The following DYNC1H1 variants were observed in gnomAD, a reference collection of about 807,000 sequenced individuals.
DYNC1H1 encodes the protein dynein cytoplasmic 1 heavy chain 1, also known as cytoplasmic dynein 1 heavy chain 1.
DYNC1H1 carries 51 observed loss-of-function variants against 527.1 expected under a neutral mutation model. That is an observed-to-expected ratio of 0.10 (90% CI 0.08 to 0.12). The LOEUF is 0.12. DYNC1H1 is among the 10% of genes least tolerant of loss of function. The pLI is 1.00. For synonymous variants in DYNC1H1, 2,189 were observed against 2,278.8 expected (o/e 0.96, Z 1.12); for missense variants, 2,771 against 5,971.8 (o/e 0.46, Z 17.66).
At chr14:102,000,499 C>G in intron 18 of DYNC1H1, 100 bp downstream of exon 18, 1 of 1,002,562 alleles carries the variant, frequency 1.0e-6, no homozygotes, top group Non-Finnish European at 1.5e-6. Flanking sequence ...ATTGTGAGTT[C>G]ATAAGATGTC....
intron 23 of DYNC1H1, among the ~76,000 whole-genome samples, chr14:102,004,028 T>G (rs955876945): frequency 6.6e-6 from 1 of 151,630 alleles, no homozygotes; most frequent in African/African-American, 2.4e-5. Context: ...GATCACGAGG[T>G]CAGGAGATCG....
intron 72 of DYNC1H1, chr14:102,045,410 A>C (rs1475275969): frequency 7.3e-6 from 1 of 136,266 alleles, no homozygotes; most frequent in African/African-American, 2.5e-5. Flanking sequence ...CAGGAGTTCG[A>C]GACCAGCCTG....
rs941793 is a variant in DYNC1H1, at chr14:102,041,124, A to G, written c.11942-450A>G. 0.3 allele frequency: 100,226 copies of G among 338,510 alleles called. 18,938 individuals are homozygous for G. Among genetic ancestry groups the G allele is most frequent in the African/African-American group, 0.66 (31,127 of 46,956 alleles). 21.0% of individuals were successfully genotyped at this position (338,510 alleles called of 1,614,324 possible). On this transcript the variant is annotated intron_variant, in intron 64 of 77. Coordinates refer to ENST00000360184, the MANE Select transcript of DYNC1H1 (RefSeq NM_001376.5). The surrounding 1 kb of genome is among the most constrained non-coding windows in gnomAD (Gnocchi z 4.5). Reference sequence around the variant, plus strand: ...AGACCACAAGAGAACTAGATGGGGAACTCCTGCCTAATGCTAAGGAGTTAA... The same window carrying G: ...AGACCACAAGAGAACTAGATGGGGAGCTCCTGCCTAATGCTAAGGAGTTAA...
chr14:101,979,853 A>G lies in DYNC1H1; in HGVS notation c.653A>G (p.Lys218Arg). Reference protein sequence around the residue: ...PIHPMITNVAKQCYERGEKPK... With the variant: ...PIHPMITNVARQCYERGEKPK... ...CATCCAATGATCACAAATGTTGCAA[A>G]ACAGTGTTATGAGCGTGGAGAAAAG... Residue 218 changes from lysine to arginine, a missense_variant, in exon 4 of 78, where the codon AAA (lysine) becomes AGA (arginine). Lys to Arg is a conservative substitution (Grantham distance 26). Around this residue, in one of 32 missense-constraint regions of DYNC1H1, gnomAD observed 146 missense variants for 288.1 expected, o/e 0.51. Transcript: ENST00000360184. This position sits in a 1 kb window ranked among gnomAD's most constrained non-coding sequence, Gnocchi z 4.6. 1 of 1,614,234 alleles carries G rather than the reference A, an allele frequency of 6.2e-7. No individual in the cohort carries two copies. Among genetic ancestry groups the G allele is most frequent in the Non-Finnish European group, 8.5e-7 (1 of 1,180,040 alleles).
chr14:101,998,168 C>T (rs1771688948), intron 16 of DYNC1H1, among the ~76,000 whole-genome samples: 1 of 151,944 alleles, frequency 6.6e-6, no homozygotes, highest in South Asian at 2.1e-4. Context: ...GACCCCTCTC[C>T]CCTCTATAAA....
rs778389365 is a variant in DYNC1H1, at chr14:102,002,811, G to A, written c.4729G>A (p.Ala1577Thr). The A allele has an allele frequency of 1.2e-5, 20 of 1,614,092 alleles. No homozygotes were observed. In the South Asian group the frequency reaches 2.2e-4, roughly 18 times the overall value. The change falls in exon 23 of 78, where the codon GCT becomes ACT. Residue 1577 changes from alanine (A) to threonine (T), a missense_variant. Around this residue, in one of 32 missense-constraint regions of DYNC1H1, gnomAD observed 51 missense variants for 189.2 expected, o/e 0.27. Coordinates refer to ENST00000360184, the MANE Select transcript of DYNC1H1 (RefSeq NM_001376.5). This position sits in a 1 kb window ranked among gnomAD's most constrained non-coding sequence, Gnocchi z 4.4. ...RFQSISTEFLALMKKVSKSPL... is the reference protein window; with the variant it reads ...RFQSISTEFLTLMKKVSKSPL... ...TTGTAGCATCAGCACTGAGTTTTTG[G>A]CTCTAATGAAAAAAGTGTCCAAGTC... is the stretch of plus-strand genomic sequence containing the variant.
chr14:102,005,445 G>T lies in DYNC1H1; in HGVS notation c.5433+209G>T, dbSNP rs140941345. 2.0e-3 allele frequency among the ~76,000 whole-genome samples: 308 copies of T among 152,326 alleles called. 1 individual carries two copies. Among genetic ancestry groups the T allele is most frequent in the African/African-American group, 7.0e-3 (292 of 41,576 alleles). On this transcript the variant is annotated intron_variant, in intron 26 of 77. Transcript: ENST00000360184. This position sits in a 1 kb window ranked among gnomAD's most constrained non-coding sequence, Gnocchi z 4.0. ...GCATGCAGGGGTTACGCGACATCAC[G>T]GTAGAGAGGAAGGGATCAACCTTGG... is the stretch of plus-strand genomic sequence containing the variant.
At chr14:102,019,440 A>G (rs183786019) in intron 41 of DYNC1H1, among the ~76,000 whole-genome samples, 1 of 152,364 alleles carries the variant, frequency 6.6e-6, no homozygotes, top group Admixed American at 6.5e-5. Context: ...TAGGTGGCAG[A>G]TGCTTTTTCC....
At chr14:102,032,527 C>A (rs1397191845) in intron 52 of DYNC1H1, 60 bp downstream of exon 52, 2 of 1,600,962 alleles carry the variant, frequency 1.2e-6, no homozygotes, top group Non-Finnish European at 1.7e-6. Flanking sequence ...TCAGGCCAGG[C>A]ACGGTGGCTC....
chr14:101,977,352 T>C (rs2047813266), intron 2 of DYNC1H1, among the ~76,000 whole-genome samples: 1 of 152,224 alleles, frequency 6.6e-6, no homozygotes. Context: ...GTTGCGTGAA[T>C]AGTATATAGA....
intron 1 of DYNC1H1, among the ~76,000 whole-genome samples, chr14:101,967,192 G>A (rs1186378201): frequency 6.6e-6 from 1 of 152,114 alleles, no homozygotes; most frequent in Non-Finnish European, 1.5e-5. Context: ...AGAGACCCAG[G>A]ACTTTTGGTA....
At chr14:101,978,392 C>T (rs1209618039) in intron 2 of DYNC1H1, among the ~76,000 whole-genome samples, 1 of 152,082 alleles carries the variant, frequency 6.6e-6, no homozygotes, top group East Asian at 1.9e-4. Flanking sequence ...AGGCTGGTCT[C>T]GAACTCCTGA....
chr14:102,023,642 G>T (rs17512565), intron 43 of DYNC1H1: 8,130 of 153,806 alleles, frequency 0.053, 240 homozygotes, highest in Non-Finnish European at 0.056. Context: ...TGAGGTCAGG[G>T]GTTCGAGACC....
rs1225619304 is a variant in DYNC1H1, at chr14:102,041,521, C to A, written c.11942-53C>A. 9 of 1,611,290 alleles carry A rather than the reference C, an allele frequency of 5.6e-6. No homozygotes were observed. Among genetic ancestry groups the A allele is most frequent in the African/African-American group, 1.3e-5 (1 of 74,874 alleles). ...GAAGAACAGTCCAGGCAGGGGAGGG[C>A]GTCTCTGAGTCCATGCTTCCACCCA... On this transcript the variant is annotated intron_variant, in intron 64 of 77. Transcript: ENST00000360184. This position sits in a 1 kb window ranked among gnomAD's most constrained non-coding sequence, Gnocchi z 4.5.
At chr14:102,048,103 T>G in intron 73 of DYNC1H1, 75 bp downstream of exon 73, 1 of 1,515,470 alleles carries the variant, frequency 6.6e-7, no homozygotes, top group Non-Finnish European at 8.9e-7. Context: ...CATTGTTCCA[T>G]GGACCATTGG....
intron 73 of DYNC1H1, 153 bp from the exon 74 acceptor site, chr14:102,048,363 G>T: frequency 9.4e-7 from 1 of 1,068,356 alleles, no homozygotes. Flanking sequence ...ACACAAGCTC[G>T]GTTCCAAGTC....
chr14:102,028,644 G>A (rs890220193), intron 48 of DYNC1H1: 4 of 209,596 alleles, frequency 1.9e-5, no homozygotes, highest in Non-Finnish European at 2.9e-5. Flanking sequence ...TGTAAATTCT[G>A]GAGCCGTCTA....
Position 102,049,305 on chromosome 14 carries a change from CTGGGAAAGGCAGTA to C in DYNC1H1, c.13373-134_13373-121del, listed in dbSNP as rs2048771714. ...CGGCGCCAGGGGCATAAAGTGCAGC[CTGGGAAAGGCAGTA>C]GGTGGAGCCGCCAGCCGCCTGTGTG... On this transcript the variant is annotated intron_variant, in intron 74 of 77. Coordinates refer to ENST00000360184, the MANE Select transcript of DYNC1H1 (RefSeq NM_001376.5). The surrounding 1 kb of genome is among the most constrained non-coding windows in gnomAD (Gnocchi z 5.5). 7.6e-7 allele frequency: 1 copy of C among 1,317,572 alleles called. No individual in the cohort carries two copies. The allele number at this position is 1,317,572 out of a possible 1,614,324, so 81.6% of individuals were successfully genotyped here.
rs777017480 is a variant in DYNC1H1, at chr14:102,050,412, A to G, written c.13813-23A>G. The G allele has an allele frequency of 5.6e-6, 9 of 1,614,192 alleles. No homozygotes were observed. In the South Asian group the frequency reaches 9.9e-5, roughly 18 times the overall value. On this transcript the variant is annotated intron_variant, in intron 77 of 77. Transcript: ENST00000360184. ...TTTCTTACTTTTCCCTTAAGCCACC[A>G]GTAAACCCCTCTGCTTCTGCAGGTA...
Sources: gnomAD v4.1 joint callset for allele counts (sites outside exome capture counted in the v4.1 genomes callset) on GRCh38, gnomAD v4.1.1 for gene constraint, gnomAD v4.1.1 regional missense constraint, Gnocchi (gnomAD v3.1) non-coding constraint, MANE v1.5 for transcripts, NCBI Gene and HGNC (gene_info 2026-07-23, HGNC 2026-07-21) for gene names.